Variants in KYNU observed in about 807,000 individuals in gnomAD.
The protein encoded by KYNU is L-kynurenine hydrolase.
A neutral mutation model predicts 59.2 loss-of-function variants in KYNU; 54 were observed. The observed-to-expected ratio is 0.91, with a 90% confidence interval of 0.73 to 1.14. The LOEUF is 1.14. Ranked by LOEUF, KYNU falls within the 50% of genes most tolerant of loss-of-function variation. The pLI, the probability that KYNU is intolerant of heterozygous loss-of-function variation, is 0.00. For missense variants in KYNU, 567 were observed against 554.4 expected (o/e 1.02, Z -0.23); for synonymous variants, 177 against 192.0 (o/e 0.92, Z 0.65).
rs150212835 is a variant in KYNU at position 143,006,079 on chromosome 2, C to A, written c.902+20058C>A. Reference sequence around the variant, plus strand: ...CAAGATGGCCGAATAGGAACAGCTCCGGTCTACAGCTCCCAGCATGAGCAA... The same window carrying A: ...CAAGATGGCCGAATAGGAACAGCTCAGGTCTACAGCTCCCAGCATGAGCAA... On this transcript the variant is annotated intron_variant, in intron 10 of 13. Coordinates refer to ENST00000264170, the MANE Select transcript of KYNU (RefSeq NM_003937.3). Among the ~76,000 whole-genome samples, 10 of 152,258 alleles carry A rather than the reference C, an allele frequency of 6.6e-5. No homozygotes were observed. The East Asian group carries it at 9.7e-4, about 15-fold the overall frequency.
At chr2:142,981,835 G>A (rs577784466) in intron 8 of KYNU, among the ~76,000 whole-genome samples, 50 of 152,050 alleles carry the variant, frequency 3.3e-4, no homozygotes, top group Non-Finnish European at 5.4e-4. Context: ...ATAGGGTAGA[G>A]GTAAGCACAT....
At chr2:143,026,249 A>G (rs1256614632) in intron 10 of KYNU, among the ~76,000 whole-genome samples, 1 of 152,244 alleles carries the variant, frequency 6.6e-6, no homozygotes, top group Non-Finnish European at 1.5e-5. Flanking sequence ...TAGGATTTTT[A>G]TAATGGCTGC....
chr2:142,903,558 T>A (rs2104951540), intron 2 of KYNU, among the ~76,000 whole-genome samples: 1 of 152,200 alleles, frequency 6.6e-6, no homozygotes, highest in African/African-American at 2.4e-5. Flanking sequence ...TGGAGACAGT[T>A]GTCCAGGACA....
chr2:142,928,849 A>G (rs1322184805), intron 4 of KYNU, among the ~76,000 whole-genome samples: 2 of 151,636 alleles, frequency 1.3e-5, no homozygotes, highest in Non-Finnish European at 2.9e-5. Flanking sequence ...CTCTACAAAA[A>G]AATTTTAAAA....
rs545241934 is a variant in KYNU, at chr2:143,005,423, C to T, written c.902+19402C>T. On this transcript the variant is annotated intron_variant, in intron 10 of 13. Transcript: ENST00000264170. ...AGGCCCTGCTCATAAGAGTTTCCAGCGACCTAGAGAAACTGGAAAGAAAAT... is the reference window on the plus strand; with the variant it reads ...AGGCCCTGCTCATAAGAGTTTCCAGTGACCTAGAGAAACTGGAAAGAAAAT... Among the ~76,000 whole-genome samples, 9 of 152,126 alleles carry T rather than the reference C, an allele frequency of 5.9e-5. No individual in the cohort carries two copies. The South Asian group carries it at 1.7e-3, about 28-fold the overall frequency.
At chr2:142,990,205 TG>T (rs1685356789) in intron 10 of KYNU, among the ~76,000 whole-genome samples, 1 of 151,890 alleles carries the variant, frequency 6.6e-6, no homozygotes. Context: ...TGGATGTTTT[TG>T]CCCCACTTCA....
chr2:142,948,822 A>T (rs1002762356), intron 4 of KYNU, among the ~76,000 whole-genome samples: 2 of 152,176 alleles, frequency 1.3e-5, no homozygotes, highest in African/African-American at 4.8e-5. Flanking sequence ...TGCCTTTCCA[A>T]CAGTCCCCCA....
At position 143,051,927 on chromosome 2, in the gene KYNU, A is replaced by G. The variant is rs1251799989; in HGVS notation, c.*9755A>G. 1 of 152,422 alleles carries G rather than the reference A, an allele frequency of 6.6e-6. No individual in the cohort carries two copies. The highest frequency in any genetic ancestry group is 1.5e-5 in the Non-Finnish European group (1 of 68,208). The allele number at this position is 152,422 out of a possible 1,614,324, so 9.4% of individuals were successfully genotyped here. On this transcript the variant is annotated 3_prime_UTR_variant, in exon 14 of 14. Coordinates refer to ENST00000264170, the MANE Select transcript of KYNU (RefSeq NM_003937.3). ...GAGGTTGGAATGGTTTGGAGGGCTC[A>G]TAAGAAGACAGGAAAGTGTGGGAAA... is the stretch of plus-strand genomic sequence containing the variant.
intron 10 of KYNU, among the ~76,000 whole-genome samples, chr2:143,019,050 G>A (rs990423216): frequency 6.6e-6 from 1 of 151,908 alleles, no homozygotes; most frequent in African/African-American, 2.4e-5. Context: ...TATTTAGGGT[G>A]TTCTGGATAT....
chr2:142,890,445 T>TGCCTC (rs1489808468), intron 2 of KYNU, among the ~76,000 whole-genome samples: 1 of 152,080 alleles, frequency 6.6e-6, no homozygotes, highest in Non-Finnish European at 1.5e-5. Flanking sequence ...TAAAGACAAT[T>TGCCTC]GCCTCACTAA....
At chr2:143,003,645 A>G (rs1289517920) in intron 10 of KYNU, among the ~76,000 whole-genome samples, 1 of 152,138 alleles carries the variant, frequency 6.6e-6, no homozygotes, top group Non-Finnish European at 1.5e-5. Flanking sequence ...ATACTTCAAA[A>G]TTTTGTCATT....
chr2:142,919,622 G>A (rs1682801790), intron 3 of KYNU, among the ~76,000 whole-genome samples: 1 of 152,104 alleles, frequency 6.6e-6, no homozygotes, highest in South Asian at 2.1e-4. Context: ...TTTCAAATTG[G>A]GAACAATATC....
intron 10 of KYNU, among the ~76,000 whole-genome samples, chr2:143,012,760 G>T (rs1324783503): frequency 6.6e-6 from 1 of 151,828 alleles, no homozygotes; most frequent in Non-Finnish European, 1.5e-5. Flanking sequence ...TAATACAATT[G>T]TACTACCCAT....
At chr2:142,976,407 G>A (rs1684882804) in intron 8 of KYNU, among the ~76,000 whole-genome samples, 5 of 152,178 alleles carry the variant, frequency 3.3e-5, no homozygotes, top group African/African-American at 7.2e-5. Context: ...GCCCACCTGA[G>A]TGGCATGGAG....
At chr2:143,004,593 C>T (rs963702400) in intron 10 of KYNU, among the ~76,000 whole-genome samples, 2 of 152,020 alleles carry the variant, frequency 1.3e-5, no homozygotes, top group East Asian at 1.9e-4. Flanking sequence ...CGCCACCACT[C>T]GGGAGGCTGA....
intron 10 of KYNU, among the ~76,000 whole-genome samples, chr2:143,017,748 C>T (rs1054289969): frequency 5.3e-5 from 8 of 151,802 alleles, no homozygotes; most frequent in African/African-American, 1.7e-4. Context: ...ATTTTTTTAA[C>T]CTTTTCATAG....
chr2:142,981,741 C>A (rs1019584866), intron 8 of KYNU, among the ~76,000 whole-genome samples: 1 of 152,050 alleles, frequency 6.6e-6, no homozygotes, highest in East Asian at 1.9e-4. Flanking sequence ...TTGTGAGATA[C>A]TAACTCCAGT....
intron 2 of KYNU, among the ~76,000 whole-genome samples, chr2:142,902,220 A>C (rs759339431): frequency 6.6e-6 from 1 of 152,048 alleles, no homozygotes; most frequent in Non-Finnish European, 1.5e-5. Flanking sequence ...CACTACATTA[A>C]TTTTCTTACT....
chr2:142,958,437 G>A lies in KYNU; in HGVS notation c.582+722G>A, dbSNP rs1398281549. On this transcript the variant is annotated intron_variant, in intron 7 of 13. Coordinates refer to ENST00000264170, the MANE Select transcript of KYNU (RefSeq NM_003937.3). ...CAGCTTGTGTAATTTGTCACTAGTCGAATCATACAGAATAAATTTTAGGTT... is the reference window on the plus strand; with the variant it reads ...CAGCTTGTGTAATTTGTCACTAGTCAAATCATACAGAATAAATTTTAGGTT... Among the ~76,000 whole-genome samples the A allele has an allele frequency of 5.9e-5, 9 of 152,142 alleles. No homozygotes were observed. The South Asian group carries it at 1.0e-3, about 18-fold the overall frequency.
Sources: allele counts gnomAD v4.1 joint callset (sites outside exome capture counted in the v4.1 genomes callset), GRCh38; gene constraint gnomAD v4.1.1; transcripts MANE v1.5; gene names NCBI Gene and HGNC (gene_info 2026-07-23, HGNC 2026-07-21).